The following CNTN4 variants were observed in gnomAD, a reference collection of about 807,000 sequenced individuals.
CNTN4 encodes the protein contactin 4.
In CNTN4, 77 loss-of-function variants were observed where a neutral mutation model predicts 122.5. That is an observed-to-expected ratio of 0.63 (90% CI 0.52 to 0.76). The LOEUF (loss-of-function observed/expected upper bound fraction) is 0.76, where lower values mean the gene tolerates loss of function less well. CNTN4 is among the 30% of genes least tolerant of loss of function. The pLI is 0.00. For missense variants in CNTN4, 1,256 were observed against 1,259.1 expected, an observed-to-expected ratio of 1.00 and a Z score of 0.04; for synonymous variants, 512 against 447.0, an observed-to-expected ratio of 1.15 and a Z score of -1.83.
At chr3:3,045,164 C>T (rs1009096419) in intron 23 of CNTN4, among the ~76,000 whole-genome samples, 3 of 152,242 alleles carry the variant, frequency 2.0e-5, no homozygotes, top group African/African-American at 7.2e-5. Flanking sequence ...GAGCCCACTG[C>T]AGCTCAAGGA....
rs1157120434 is a variant in CNTN4, at chr3:2,119,691, A to T, written c.-145+19052A>T. Among the ~76,000 whole-genome samples the T allele has an allele frequency of 2.6e-5, 4 of 152,296 alleles. No individual in the cohort carries two copies. In the East Asian group the frequency reaches 5.8e-4, roughly 22 times the overall value. On this transcript the variant is annotated intron_variant, in intron 2 of 24. Coordinates refer to ENST00000418658, the MANE Select transcript of CNTN4 (RefSeq NM_175607.3). Reference sequence around the variant, plus strand: ...GATAATTTAGAGAAATGGGAAAATAATCTCTTTCTAGAATCCACTTCATTT... The same window carrying T: ...GATAATTTAGAGAAATGGGAAAATATTCTCTTTCTAGAATCCACTTCATTT...
chr3:2,249,003 C>T (rs1216861081), intron 2 of CNTN4, among the ~76,000 whole-genome samples: 1 of 151,848 alleles, frequency 6.6e-6, no homozygotes, highest in Non-Finnish European at 1.5e-5. Flanking sequence ...CTGCTAAAAG[C>T]AAAGTCATCT....
At chr3:2,373,216 G>C (rs1220001276) in intron 3 of CNTN4, among the ~76,000 whole-genome samples, 3 of 152,178 alleles carry the variant, frequency 2.0e-5, no homozygotes, top group Non-Finnish European at 4.4e-5. Flanking sequence ...TTGTTCTTTA[G>C]TTAACCTCAG....
At chr3:2,724,082 G>C (rs900584998) in intron 4 of CNTN4, among the ~76,000 whole-genome samples, 1 of 152,186 alleles carries the variant, frequency 6.6e-6, no homozygotes, top group East Asian at 1.9e-4. Context: ...AGGATACATA[G>C]GGGTTATCTT....
chr3:2,923,430 A>C (rs1577287870), intron 12 of CNTN4, among the ~76,000 whole-genome samples: 1 of 152,138 alleles, frequency 6.6e-6, no homozygotes, highest in East Asian at 1.9e-4. Context: ...GAATGATGTC[A>C]GTATAACATA....
chr3:2,176,427 G>A (rs1287124276), intron 2 of CNTN4, among the ~76,000 whole-genome samples: 1 of 152,034 alleles, frequency 6.6e-6, no homozygotes, highest in African/African-American at 2.4e-5. Flanking sequence ...GTAGAAATAT[G>A]TATATATTAT....
intron 4 of CNTN4, among the ~76,000 whole-genome samples, chr3:2,661,209 T>C (rs1465848262): frequency 6.6e-6 from 1 of 152,198 alleles, no homozygotes; most frequent in African/African-American, 2.4e-5. Flanking sequence ...CTTTTTCTTA[T>C]GTCTCCAGTT....
intron 3 of CNTN4, among the ~76,000 whole-genome samples, chr3:2,546,512 C>T (rs751502685): frequency 7.2e-5 from 11 of 151,866 alleles, no homozygotes; most frequent in East Asian, 1.9e-4. Context: ...GCGAGTGTGA[C>T]GAGGTGGAAA....
intron 2 of CNTN4, among the ~76,000 whole-genome samples, chr3:2,302,815 C>T (rs2042571519): frequency 6.6e-6 from 1 of 152,114 alleles, no homozygotes; most frequent in South Asian, 2.1e-4. Context: ...GTTTATTAGT[C>T]AATCTTATGT....
chr3:2,491,183 C>G (rs2076307185), intron 3 of CNTN4, among the ~76,000 whole-genome samples: 1 of 152,078 alleles, frequency 6.6e-6, no homozygotes, highest in Non-Finnish European at 1.5e-5. Context: ...GCACATAGTA[C>G]GTACTCAGAA....
chr3:2,538,513 TA>T (rs1559207435), intron 3 of CNTN4, among the ~76,000 whole-genome samples: 1 of 152,062 alleles, frequency 6.6e-6, no homozygotes, highest in Non-Finnish European at 1.5e-5. Flanking sequence ...TTTCCCAAAT[TA>T]AAAAAAGTTA....
intron 3 of CNTN4, among the ~76,000 whole-genome samples, chr3:2,542,307 A>G (rs1035242065): frequency 6.6e-6 from 1 of 152,164 alleles, no homozygotes; most frequent in Admixed American, 6.6e-5. Context: ...AATCTCTAAT[A>G]GTCAGATAGG....
chr3:2,698,942 G>C (rs763771661), intron 4 of CNTN4, among the ~76,000 whole-genome samples: 1 of 152,054 alleles, frequency 6.6e-6, no homozygotes, highest in Non-Finnish European at 1.5e-5. Context: ...AGAATTGCTG[G>C]AACCCGGGAG....
intron 3 of CNTN4, among the ~76,000 whole-genome samples, chr3:2,394,529 A>G (rs1005847438): frequency 6.6e-6 from 1 of 152,216 alleles, no homozygotes; most frequent in African/African-American, 2.4e-5. Flanking sequence ...GAATGCCAAT[A>G]TATATCCACT....
At chr3:2,708,178 T>A (rs2086856366) in intron 4 of CNTN4, among the ~76,000 whole-genome samples, 3 of 152,224 alleles carry the variant, frequency 2.0e-5, no homozygotes, top group African/African-American at 7.2e-5. Flanking sequence ...AATCTCATAG[T>A]TATTTACTTC....
intron 2 of CNTN4, among the ~76,000 whole-genome samples, chr3:2,251,652 C>T (rs1220534955): frequency 2.0e-5 from 3 of 151,624 alleles, no homozygotes; most frequent in Non-Finnish European, 4.4e-5. Flanking sequence ...CTTATTATAA[C>T]ATATTATGTA....
chr3:2,384,813 C>T (rs2046181490), intron 3 of CNTN4, among the ~76,000 whole-genome samples: 1 of 151,594 alleles, frequency 6.6e-6, no homozygotes, highest in African/African-American at 2.4e-5. Flanking sequence ...ACATTATATC[C>T]TTGGTTTCTA....
chr3:2,153,809 T>G (rs981427948), intron 2 of CNTN4, among the ~76,000 whole-genome samples: 1 of 152,114 alleles, frequency 6.6e-6, no homozygotes, highest in African/African-American at 2.4e-5. Context: ...TGTGTTGGCT[T>G]CAGCTGTAGC....
At chr3:2,463,713 C>T (rs905822850) in intron 3 of CNTN4, among the ~76,000 whole-genome samples, 2 of 151,926 alleles carry the variant, frequency 1.3e-5, no homozygotes, top group Non-Finnish European at 2.9e-5. Context: ...GAGCCAAGAT[C>T]GTGCGAATTC....
Sources: gnomAD v4.1 joint callset for allele counts (sites outside exome capture counted in the v4.1 genomes callset) on GRCh38, gnomAD v4.1.1 for gene constraint, MANE v1.5 for transcripts, NCBI Gene and HGNC (gene_info 2026-07-23, HGNC 2026-07-21) for gene names.